TTC29: variants seen among roughly 807,000 people sequenced by gnomAD.
TTC29 encodes the protein tetratricopeptide repeat protein 29.
Under a neutral mutation model 58.1 loss-of-function variants are expected in TTC29, and 49 were observed. The ratio of observed to expected loss-of-function variants is 0.84; its 90% confidence interval spans 0.67 to 1.07. The LOEUF is 1.07. Ranked by LOEUF, TTC29 falls within the 50% of genes least tolerant of loss-of-function variation. The probability of loss-of-function intolerance (pLI) is 0.00; values close to 1 mark genes in which losing one functional copy is unlikely to be tolerated. For missense variants in TTC29, 582 were observed against 555.6 expected, an observed-to-expected ratio of 1.05 and a Z score of -0.48; for synonymous variants, 209 against 196.8, an observed-to-expected ratio of 1.06 and a Z score of -0.52.
intron 8 of TTC29, among the ~76,000 whole-genome samples, chr4:146,837,254 A>C (rs1221153025): frequency 1.3e-5 from 2 of 152,136 alleles, no homozygotes; most frequent in Admixed American, 1.3e-4. Context: ...CAGGAAACCA[A>C]ATACTGCATG....
intron 5 of TTC29, among the ~76,000 whole-genome samples, chr4:146,907,200 A>C (rs1235210074): frequency 6.6e-6 from 1 of 152,146 alleles, no homozygotes; most frequent in African/African-American, 2.4e-5. Flanking sequence ...TCCTTTAAGA[A>C]ATATTATATA....
chr4:146,924,412 T>TA (rs1734789391), intron 4 of TTC29, among the ~76,000 whole-genome samples: 1 of 152,068 alleles, frequency 6.6e-6, no homozygotes, highest in East Asian at 1.9e-4. Flanking sequence ...GAAGTTTTTT[T>TA]AACTATAGAT....
intron 11 of TTC29, among the ~76,000 whole-genome samples, chr4:146,781,927 A>C (rs559150730): frequency 6.6e-6 from 1 of 152,090 alleles, no homozygotes; most frequent in East Asian, 1.9e-4. Flanking sequence ...GAAAACCTTG[A>C]CTTTTAATTT....
chr4:146,783,806 T>A (rs1350257251), intron 11 of TTC29, among the ~76,000 whole-genome samples: 1 of 152,074 alleles, frequency 6.6e-6, no homozygotes, highest in Non-Finnish European at 1.5e-5. Context: ...ACAGTACCAT[T>A]TTTTAAGGAT....
At chr4:146,771,631 A>G (rs868742368) in intron 11 of TTC29, among the ~76,000 whole-genome samples, 6 of 152,092 alleles carry the variant, frequency 3.9e-5, no homozygotes, top group Admixed American at 6.6e-5. Flanking sequence ...TGGTGTATAC[A>G]TAACACATTT....
At chr4:146,810,880 T>A (rs1750979532) in intron 10 of TTC29, among the ~76,000 whole-genome samples, 2 of 152,038 alleles carry the variant, frequency 1.3e-5, no homozygotes, top group South Asian at 2.1e-4. Context: ...TGTTTTGTTT[T>A]CAGTCACAGC....
At chr4:146,941,652 G>A (rs1315090756) in intron 2 of TTC29, among the ~76,000 whole-genome samples, 2 of 152,160 alleles carry the variant, frequency 1.3e-5, no homozygotes, top group African/African-American at 4.8e-5. Flanking sequence ...GGAGAATTTT[G>A]TTCGGTGTCC....
chr4:146,815,613 T>C (rs1433100036), intron 10 of TTC29, among the ~76,000 whole-genome samples: 2 of 152,124 alleles, frequency 1.3e-5, no homozygotes, highest in African/African-American at 4.8e-5. Flanking sequence ...AGCTCATAGA[T>C]TAAAAAGAGA....
At chr4:146,761,340 C>T (rs992423142) in intron 11 of TTC29, among the ~76,000 whole-genome samples, 2 of 151,796 alleles carry the variant, frequency 1.3e-5, no homozygotes, top group South Asian at 2.1e-4. Context: ...TAGGAAGTAA[C>T]CCTGAATTCC....
At chr4:146,870,988 C>T (rs919345078) in intron 7 of TTC29, among the ~76,000 whole-genome samples, 7 of 151,924 alleles carry the variant, frequency 4.6e-5, no homozygotes, top group African/African-American at 1.2e-4. Flanking sequence ...AATCATTCTG[C>T]GAGACCAGTA....
In TTC29 at chr4:146,863,117, G is replaced by A. The variant is rs1009699405; in HGVS notation, c.885+4381C>T. Among the ~76,000 whole-genome samples the A allele has an allele frequency of 7.5e-5, 10 of 132,878 alleles. No individual in the cohort carries two copies. The South Asian group carries it at 1.4e-3, about 19-fold the overall frequency. The allele number at this position is 132,878 out of a possible 152,430, so 87.2% of individuals were successfully genotyped here. Reference sequence around the variant, plus strand: ...AGCCTGGGTGACAGAGCCAGACTCCGCCTCAAAAAAAAAAAAAAAAAGAAT... The same window carrying A: ...AGCCTGGGTGACAGAGCCAGACTCCACCTCAAAAAAAAAAAAAAAAAGAAT... On this transcript the variant is annotated intron_variant, in intron 8 of 12. Transcript: ENST00000325106.
chr4:146,713,794 A>G (rs1742712913), intron 11 of TTC29, among the ~76,000 whole-genome samples: 1 of 152,162 alleles, frequency 6.6e-6, no homozygotes, highest in South Asian at 2.1e-4. Context: ...GAATGCAACT[A>G]GGCCTGAATG....
intron 11 of TTC29, among the ~76,000 whole-genome samples, chr4:146,792,557 G>C (rs1256127718): frequency 6.6e-6 from 1 of 152,140 alleles, no homozygotes; most frequent in Non-Finnish European, 1.5e-5. Context: ...TGCTCTGATA[G>C]AAATGTATAC....
intron 2 of TTC29, chr4:146,942,998 A>G: frequency 5.8e-6 from 1 of 173,774 alleles, no homozygotes; most frequent in Non-Finnish European, 1.2e-5. Flanking sequence ...CCAGGTGCGT[A>G]TAACTCCCCA....
chr4:146,832,539 T>G (rs1728234009), intron 9 of TTC29, among the ~76,000 whole-genome samples: 1 of 152,170 alleles, frequency 6.6e-6, no homozygotes, highest in African/African-American at 2.4e-5. Flanking sequence ...GAGTGCAGTC[T>G]TGGCTCACTG....
intron 11 of TTC29, among the ~76,000 whole-genome samples, chr4:146,751,974 A>G (rs969865392): frequency 6.6e-6 from 1 of 152,124 alleles, no homozygotes; most frequent in Non-Finnish European, 1.5e-5. Context: ...ATGCAAATAA[A>G]AAATGGAAGT....
chr4:146,817,282 C>T (rs543150869), intron 10 of TTC29, among the ~76,000 whole-genome samples: 7 of 152,086 alleles, frequency 4.6e-5, no homozygotes, highest in Non-Finnish European at 8.8e-5. Flanking sequence ...TTCTTATACA[C>T]GAATAACAGA....
Position 146,803,457 on chromosome 4 carries a change from C to A in TTC29, c.1330G>T (p.Glu444Ter). 6.4e-7 allele frequency: 1 copy of A among 1,567,780 alleles called. No individual in the cohort carries two copies. The highest frequency in any genetic ancestry group is 2.3e-5 in the East Asian group (1 of 43,492). ...RGNIEPDPVT[E>*]EFRGSTVEAV... ...AGTGTTCTAAAAACCAATGCCTTAC[C>A]AGTAACTGGATCAGGTTCAATGTTA... Residue 444 changes from glutamate to a stop codon, truncating the protein, a stop_gained and splice_region_variant, in exon 11 of 13, where the codon GAA becomes TAA. Transcript: ENST00000325106. LOFTEE classifies it high-confidence loss of function.
chr4:146,839,182 T>C (rs1728692607), intron 8 of TTC29, among the ~76,000 whole-genome samples: 2 of 152,024 alleles, frequency 1.3e-5, no homozygotes. Flanking sequence ...ATGACATTGA[T>C]ATATACCCAC....
Sources: gnomAD v4.1 joint callset for allele counts (sites outside exome capture counted in the v4.1 genomes callset) on GRCh38, gnomAD v4.1.1 for gene constraint, MANE v1.5 for transcripts, NCBI Gene and HGNC (gene_info 2026-07-23, HGNC 2026-07-21) for gene names.